FAM168B: variants seen among roughly 807,000 people sequenced by gnomAD.
FAM168B encodes myelin-associated neurite-outgrowth inhibitor.
In FAM168B, 19 loss-of-function variants were observed where a neutral mutation model predicts 21.8. The observed-to-expected ratio is 0.87, with a 90% CI of 0.61 to 1.28. The LOEUF is 1.28. FAM168B is among the 50% of genes most tolerant of loss of function. The pLI, the probability that FAM168B is intolerant of heterozygous loss-of-function variation, is 0.00. For synonymous variants in FAM168B, 126 were observed against 104.8 expected, an observed-to-expected ratio of 1.20 and a Z score of -1.24; for missense variants, 233 against 263.1, an observed-to-expected ratio of 0.89 and a Z score of 0.79.
At chr2:131,088,051 G>A (rs1306723017) in intron 1 of FAM168B, among the ~76,000 whole-genome samples, 1 of 152,138 alleles carries the variant, frequency 6.6e-6, no homozygotes, top group Non-Finnish European at 1.5e-5. Flanking sequence ...TTCGAGACCA[G>A]CCTGGGCAAC....
chr2:131,090,134 C>G (rs531701047), intron 1 of FAM168B, among the ~76,000 whole-genome samples: 4 of 138,018 alleles, frequency 2.9e-5, no homozygotes, highest in East Asian at 2.1e-4. Context: ...AGTGAAACCC[C>G]GTCTCTACCA....
chr2:131,073,662 T>C (rs917569784), intron 2 of FAM168B, among the ~76,000 whole-genome samples: 1 of 152,212 alleles, frequency 6.6e-6, no homozygotes, highest in African/African-American at 2.4e-5. Context: ...GCCATGCTCT[T>C]GGACTTCCCT....
chr2:131,081,902 AAG>A (rs948082391), intron 2 of FAM168B, among the ~76,000 whole-genome samples: 4 of 152,182 alleles, frequency 2.6e-5, no homozygotes. Flanking sequence ...CTTAGCAACA[AAG>A]TTTTGGGGTT....
chr2:131,080,692 C>CA (rs1262706693), intron 2 of FAM168B, among the ~76,000 whole-genome samples: 1 of 148,432 alleles, frequency 6.7e-6, no homozygotes, highest in Non-Finnish European at 1.5e-5. Context: ...TTTTTTGAGA[C>CA]AGAGTCTTGC....
At position 131,049,493 on chromosome 2, in the gene FAM168B, C is replaced by T. The variant is rs1691516600; in HGVS notation, c.*2972G>A. The T allele has an allele frequency of 2.0e-6, 2 of 985,456 alleles. 1 individual carries two copies. Among genetic ancestry groups the T allele is most frequent in the Admixed American group, 1.2e-4 (2 of 16,294 alleles). The allele number at this position is 985,456 out of a possible 1,614,324, so 61.0% of individuals were successfully genotyped here. A position where few individuals can be genotyped will look rare whatever the true frequency, so the allele number is the denominator to read the frequency against. On this transcript the variant is annotated 3_prime_UTR_variant, in exon 7 of 7. Transcript: ENST00000389915. ...GGCCCATTACCATGACTGGCCCTGA[C>T]TCTGGCCCTCACAGAGCGGCAAGTT...
intron 1 of FAM168B, among the ~76,000 whole-genome samples, chr2:131,085,852 C>G (rs1693668404): frequency 6.6e-6 from 1 of 152,146 alleles, no homozygotes; most frequent in African/African-American, 2.4e-5. Flanking sequence ...CTGTGCTGTC[C>G]CCTACAGCAG....
At chr2:131,062,676 G>C (rs1057503686) in intron 3 of FAM168B, among the ~76,000 whole-genome samples, 2 of 152,302 alleles carry the variant, frequency 1.3e-5, no homozygotes, top group Non-Finnish European at 2.9e-5. Context: ...TCGAAGTCCT[G>C]ATCTCAAGTG....
At chr2:131,078,001 T>C (rs1693246509) in intron 2 of FAM168B, among the ~76,000 whole-genome samples, 1 of 152,140 alleles carries the variant, frequency 6.6e-6, no homozygotes, top group Non-Finnish European at 1.5e-5. Context: ...AAAACTGAAA[T>C]GCATCTAAGC....
At chr2:131,059,545 C>A (rs1692189397) in intron 3 of FAM168B, among the ~76,000 whole-genome samples, 1 of 152,148 alleles carries the variant, frequency 6.6e-6, no homozygotes, top group South Asian at 2.1e-4. Flanking sequence ...AGAGATCCTC[C>A]CAGGAGTCAC....
chr2:131,075,760 T>A (rs866261385), intron 2 of FAM168B, among the ~76,000 whole-genome samples: 4 of 152,168 alleles, frequency 2.6e-5, no homozygotes, highest in African/African-American at 7.2e-5. Context: ...AGTGCTGGGA[T>A]TACAGGCACG....
chr2:131,083,416 T>C (rs1693521320), intron 1 of FAM168B, among the ~76,000 whole-genome samples: 1 of 152,288 alleles, frequency 6.6e-6, no homozygotes, highest in South Asian at 2.1e-4. Context: ...GACGCACACC[T>C]GTAATCCCAG....
intron 2 of FAM168B, 58 bp downstream of exon 2, chr2:131,082,519 A>G (rs1440080486): frequency 8.3e-6 from 10 of 1,202,302 alleles, no homozygotes; most frequent in Non-Finnish European, 1.2e-5. Flanking sequence ...TCTTAGTGAC[A>G]TGAAAATATA....
intron 3 of FAM168B, among the ~76,000 whole-genome samples, chr2:131,060,944 C>T (rs758127068): frequency 1.3e-5 from 2 of 151,778 alleles, no homozygotes; most frequent in African/African-American, 2.4e-5. Flanking sequence ...CTCCGCCTCC[C>T]GGGTTCACGC....
chr2:131,087,437 A>G (rs1319472565), intron 1 of FAM168B, among the ~76,000 whole-genome samples: 1 of 152,138 alleles, frequency 6.6e-6, no homozygotes, highest in Non-Finnish European at 1.5e-5. Flanking sequence ...GTGCCACTGC[A>G]CTCCAGCCTG....
chr2:131,077,742 T>C (rs946983224), intron 2 of FAM168B, among the ~76,000 whole-genome samples: 11 of 152,148 alleles, frequency 7.2e-5, no homozygotes, highest in East Asian at 1.9e-4. Flanking sequence ...AGTGATAAAA[T>C]TGGACCTCAG....
chr2:131,069,959 A>G (rs1692788328), intron 3 of FAM168B, among the ~76,000 whole-genome samples: 1 of 151,308 alleles, frequency 6.6e-6, no homozygotes, highest in Non-Finnish European at 1.5e-5. Flanking sequence ...CCTGGGTTCA[A>G]GTGATTCTCC....
At chr2:131,060,364 C>A (rs536458645) in intron 3 of FAM168B, among the ~76,000 whole-genome samples, 1 of 152,246 alleles carries the variant, frequency 6.6e-6, no homozygotes, top group South Asian at 2.1e-4. Context: ...TAAAGCAAGG[C>A]AATGTGTGAG....
In FAM168B at chr2:131,050,562, A is replaced by G; in HGVS notation, c.*1903T>C. Reference sequence around the variant, plus strand: ...CAATTTAAAGTACTTATCAGTAAACATTCTATGTTAATAGACATCAGGAAT... The same window carrying G: ...CAATTTAAAGTACTTATCAGTAAACGTTCTATGTTAATAGACATCAGGAAT... On this transcript the variant is annotated 3_prime_UTR_variant, in exon 7 of 7. Transcript: ENST00000389915. The G allele has an allele frequency of 5.1e-6, 5 of 985,852 alleles. No homozygotes were observed. Among genetic ancestry groups the G allele is most frequent in the Non-Finnish European group, 6.0e-6 (5 of 829,926 alleles). 61.1% of individuals were successfully genotyped at this position (985,852 alleles called of 1,614,324 possible).
intron 3 of FAM168B, among the ~76,000 whole-genome samples, chr2:131,061,591 G>C (rs1179328728): frequency 6.6e-6 from 1 of 152,094 alleles, no homozygotes; most frequent in Non-Finnish European, 1.5e-5. Context: ...AACCAGCCTG[G>C]CCAACACGGT....
Sources: allele counts gnomAD v4.1 joint callset (sites outside exome capture counted in the v4.1 genomes callset), GRCh38; gene constraint gnomAD v4.1.1; transcripts MANE v1.5; gene names NCBI Gene and HGNC (gene_info 2026-07-23, HGNC 2026-07-21).